GNA14: variants seen among roughly 807,000 people sequenced by gnomAD.
GNA14 encodes the protein G protein subunit alpha 14.
A neutral mutation model predicts 42.0 loss-of-function variants in GNA14; 50 were observed. That is an observed-to-expected ratio of 1.19 (90% confidence interval 0.95 to 1.51). The LOEUF (loss-of-function observed/expected upper bound fraction) is 1.51. Ranked by LOEUF, GNA14 falls within the 40% of genes most tolerant of loss-of-function variation. GNA14 has a pLI of 0.00. For missense variants in GNA14, 473 were observed against 446.2 expected (o/e 1.06, Z -0.54); for synonymous variants, 173 against 163.1 (o/e 1.06, Z -0.46).
chr9:77,476,361 G>T (rs1714843228), intron 2 of GNA14, among the ~76,000 whole-genome samples: 1 of 152,168 alleles, frequency 6.6e-6, no homozygotes, highest in Non-Finnish European at 1.5e-5. Context: ...CCTGAGAGCA[G>T]GAAATGACAT....
At position 77,451,549 on chromosome 9, in the gene GNA14, G is replaced by A. The variant is rs554522265; in HGVS notation, c.310-17027C>T. 9.9e-5 allele frequency among the ~76,000 whole-genome samples: 15 copies of A among 151,968 alleles called. No homozygotes were observed. The South Asian group carries it at 1.9e-3, about 19-fold the overall frequency. On this transcript the variant is annotated intron_variant, in intron 2 of 6. Transcript: ENST00000341700. ...TTGAGGATGACCAATGTGTAGGTCC[G>A]TCTCTCTTCTGTGAATCACACATCC...
At chr9:77,615,226 A>G (rs1422223425) in intron 1 of GNA14, among the ~76,000 whole-genome samples, 1 of 152,132 alleles carries the variant, frequency 6.6e-6, no homozygotes, top group Non-Finnish European at 1.5e-5. Flanking sequence ...CAAATTAGCC[A>G]TCAATTTCTC....
intron 2 of GNA14, among the ~76,000 whole-genome samples, chr9:77,486,338 G>A (rs1390607689): frequency 6.6e-6 from 1 of 152,130 alleles, no homozygotes; most frequent in Non-Finnish European, 1.5e-5. Flanking sequence ...AAGAGAGTTA[G>A]GGCCTGGCTC....
At chr9:77,637,634 A>G (rs1033960425) in intron 1 of GNA14, among the ~76,000 whole-genome samples, 3 of 152,186 alleles carry the variant, frequency 2.0e-5, no homozygotes, top group Non-Finnish European at 2.9e-5. Context: ...AGGTAGGAGG[A>G]TCGCTTGAGG....
chr9:77,430,409 T>A (rs971967132), intron 4 of GNA14, among the ~76,000 whole-genome samples: 2 of 151,982 alleles, frequency 1.3e-5, no homozygotes, highest in Non-Finnish European at 2.9e-5. Context: ...TCCTTGGGAG[T>A]CTGAGAGGTT....
chr9:77,646,950 C>CCTAGGACGTGGACA (rs1000282884), intron 1 of GNA14, among the ~76,000 whole-genome samples: 3 of 152,300 alleles, frequency 2.0e-5, no homozygotes, highest in Middle Eastern at 3.4e-3. Context: ...CAAGCTGAAT[C>CCTAGGACGTGGACA]CTAGGACGTG....
chr9:77,481,726 G>A (rs2131729081), intron 2 of GNA14, among the ~76,000 whole-genome samples: 1 of 152,170 alleles, frequency 6.6e-6, no homozygotes, highest in South Asian at 2.1e-4. Flanking sequence ...TATGAATCTG[G>A]GTGCTCCTGT....
At chr9:77,444,949 G>C (rs1278134514) in intron 2 of GNA14, among the ~76,000 whole-genome samples, 3 of 152,166 alleles carry the variant, frequency 2.0e-5, no homozygotes, top group African/African-American at 7.2e-5. Flanking sequence ...CTGCCTGCTG[G>C]GAATAGAAAT....
chr9:77,426,314 T>C (rs1231255305), intron 5 of GNA14, among the ~76,000 whole-genome samples: 1 of 151,864 alleles, frequency 6.6e-6, no homozygotes, highest in Admixed American at 6.6e-5. Context: ...TTTTTTTTTT[T>C]TCCTTTCTGA....
chr9:77,638,948 T>TA (rs368350239), intron 1 of GNA14, among the ~76,000 whole-genome samples: 11 of 152,190 alleles, frequency 7.2e-5, no homozygotes, highest in African/African-American at 2.7e-4. Flanking sequence ...GGCATGATTT[T>TA]AAAAAACAAA....
chr9:77,468,885 T>C (rs921932483), intron 2 of GNA14, among the ~76,000 whole-genome samples: 8 of 152,220 alleles, frequency 5.3e-5, no homozygotes, highest in African/African-American at 1.2e-4. Flanking sequence ...GACTTGAGTA[T>C]TGCTTGCTTC....
At chr9:77,640,718 T>G (rs1824243287) in intron 1 of GNA14, among the ~76,000 whole-genome samples, 1 of 151,828 alleles carries the variant, frequency 6.6e-6, no homozygotes, top group African/African-American at 2.4e-5. Flanking sequence ...ATATCTTTGT[T>G]TCAAGTGGCT....
chr9:77,537,626 A>G (rs1385334693), intron 1 of GNA14, among the ~76,000 whole-genome samples: 1 of 152,122 alleles, frequency 6.6e-6, no homozygotes, highest in Non-Finnish European at 1.5e-5. Context: ...TTGTATGGTA[A>G]TCTATTTTGA....
intron 1 of GNA14, among the ~76,000 whole-genome samples, chr9:77,628,609 A>G (rs1017664862): frequency 1.3e-5 from 2 of 152,306 alleles, no homozygotes; most frequent in African/African-American, 4.8e-5. Flanking sequence ...CTGATCCTTG[A>G]CCAACCCGAC....
intron 2 of GNA14, among the ~76,000 whole-genome samples, chr9:77,489,078 TA>T (rs1836710368): frequency 6.6e-6 from 1 of 151,914 alleles, no homozygotes; most frequent in Non-Finnish European, 1.5e-5. Flanking sequence ...ACACAGAGAT[TA>T]AAATAATAAA....
chr9:77,497,880 A>G (rs1836898513), intron 2 of GNA14, among the ~76,000 whole-genome samples: 1 of 152,152 alleles, frequency 6.6e-6, no homozygotes, highest in African/African-American at 2.4e-5. Flanking sequence ...AGCATAAATG[A>G]CATTAGTAGC....
At chr9:77,505,591 TGAAC>T (rs1837055823) in intron 2 of GNA14, among the ~76,000 whole-genome samples, 1 of 152,180 alleles carries the variant, frequency 6.6e-6, no homozygotes, top group Admixed American at 6.5e-5. Context: ...GGTGAATGAA[TGAAC>T]GAACTAAGGA....
intron 1 of GNA14, among the ~76,000 whole-genome samples, chr9:77,640,525 T>C (rs1824240918): frequency 6.6e-6 from 1 of 152,176 alleles, no homozygotes; most frequent in South Asian, 2.1e-4. Flanking sequence ...CATTTGAAGA[T>C]TAAGACTTTA....
At chr9:77,489,125 G>A (rs902814153) in intron 2 of GNA14, among the ~76,000 whole-genome samples, 1 of 151,996 alleles carries the variant, frequency 6.6e-6, no homozygotes, top group African/African-American at 2.4e-5. Context: ...CAATACATCT[G>A]CAGAACTGAA....
Sources: allele counts gnomAD v4.1 joint callset (sites outside exome capture counted in the v4.1 genomes callset), GRCh38; gene constraint gnomAD v4.1.1; transcripts MANE v1.5; gene names NCBI Gene and HGNC (gene_info 2026-07-23, HGNC 2026-07-21).